The following SCAMP1 variants were observed in gnomAD, a reference collection of about 807,000 sequenced individuals.
SCAMP1 encodes secretory carrier membrane protein 1.
SCAMP1 carries 15 observed loss-of-function variants against 41.8 expected under a neutral mutation model. The observed-to-expected ratio is 0.36, with a 90% CI of 0.24 to 0.55. SCAMP1 has a LOEUF of 0.55. SCAMP1 is among the 20% of genes least tolerant of loss of function. The pLI, the probability that SCAMP1 is intolerant of heterozygous loss-of-function variation, is 0.86. For synonymous variants in SCAMP1, 135 were observed against 136.8 expected (o/e 0.99, Z 0.09); for missense variants, 341 against 412.6 (o/e 0.83, Z 1.50).
At chr5:78,426,738 G>T (rs1752480171) in intron 6 of SCAMP1, among the ~76,000 whole-genome samples, 1 of 151,990 alleles carries the variant, frequency 6.6e-6, no homozygotes, top group Admixed American at 6.6e-5. Context: ...CTTTCCCCTA[G>T]CTCCAGGAAA....
At chr5:78,377,916 T>C (rs1312235005) in intron 1 of SCAMP1, among the ~76,000 whole-genome samples, 2 of 152,224 alleles carry the variant, frequency 1.3e-5, no homozygotes, top group Non-Finnish European at 2.9e-5. Flanking sequence ...TCAAAGTTTA[T>C]AGCTTCTTAG....
chr5:78,460,804 C>T (rs764083954), intron 8 of SCAMP1, among the ~76,000 whole-genome samples: 5,204 of 24,644 alleles, frequency 0.21, 1,020 homozygotes, highest in East Asian at 0.42. Context: ...TTCCTTCCTT[C>T]CTCCCTTCCT....
At chr5:78,386,530 T>C (rs968973243) in intron 1 of SCAMP1, among the ~76,000 whole-genome samples, 1 of 152,108 alleles carries the variant, frequency 6.6e-6, no homozygotes, top group African/African-American at 2.4e-5. Context: ...TTTTCTTTTT[T>C]TTTTCATTGT....
At chr5:78,397,576 A>T (rs536382129) in intron 2 of SCAMP1, among the ~76,000 whole-genome samples, 10 of 152,346 alleles carry the variant, frequency 6.6e-5, no homozygotes, top group African/African-American at 2.4e-4. Flanking sequence ...CACATATTTG[A>T]TAAAAGACTT....
intron 5 of SCAMP1, among the ~76,000 whole-genome samples, chr5:78,421,264 C>T (rs940537816): frequency 2.0e-5 from 3 of 152,088 alleles, no homozygotes; most frequent in Non-Finnish European, 2.9e-5. Context: ...TCTACCAAAA[C>T]GCAAGTTTTT....
At chr5:78,416,064 A>G (rs538062607) in intron 3 of SCAMP1, among the ~76,000 whole-genome samples, 29 of 152,352 alleles carry the variant, frequency 1.9e-4, no homozygotes, top group African/African-American at 6.7e-4. Flanking sequence ...GAATTTCTTA[A>G]TCACATCTTT....
chr5:78,409,960 A>G (rs1416639526), intron 2 of SCAMP1, among the ~76,000 whole-genome samples: 1 of 152,072 alleles, frequency 6.6e-6, no homozygotes, highest in Non-Finnish European at 1.5e-5. Flanking sequence ...GTTGCTGCTT[A>G]TTACACCAAG....
At chr5:78,391,754 C>T (rs183562815) in intron 2 of SCAMP1, among the ~76,000 whole-genome samples, 6 of 152,344 alleles carry the variant, frequency 3.9e-5, no homozygotes, top group Admixed American at 1.3e-4. Flanking sequence ...TCTGCAATCC[C>T]GGCACCTCAG....
At chr5:78,371,760 C>T (rs1345501348) in intron 1 of SCAMP1, among the ~76,000 whole-genome samples, 1 of 152,120 alleles carries the variant, frequency 6.6e-6, no homozygotes, top group African/African-American at 2.4e-5. Context: ...AAAATAAATG[C>T]TTCCTTAAAA....
At chr5:78,433,198 A>G (rs1379754965) in intron 6 of SCAMP1, among the ~76,000 whole-genome samples, 3 of 152,176 alleles carry the variant, frequency 2.0e-5, no homozygotes, top group Non-Finnish European at 4.4e-5. Context: ...TTTGTCTGAT[A>G]ATGCCAACAC....
At chr5:78,370,542 G>C (rs963483610) in intron 1 of SCAMP1, 1 of 152,194 alleles carries the variant, frequency 6.6e-6, no homozygotes, top group Non-Finnish European at 1.5e-5. Flanking sequence ...ATTTGGCTTT[G>C]GGTGCTTTTC....
In SCAMP1 at chr5:78,479,955, A is replaced by G. The variant is rs1215651662; in HGVS notation, c.*4287A>G. Among the ~76,000 whole-genome samples the G allele has an allele frequency of 6.6e-6, 1 of 152,074 alleles. No homozygotes were observed. Among genetic ancestry groups the G allele is most frequent in the Admixed American group, 6.6e-5 (1 of 15,256 alleles). On this transcript the variant is annotated 3_prime_UTR_variant, in exon 9 of 9. Transcript: ENST00000621999. ...CAGCTACTTGGGAGGCTGAGGCAGGAGAATGACGTGAACCTGGGAGGCGGA... is the reference window on the plus strand; with the variant it reads ...CAGCTACTTGGGAGGCTGAGGCAGGGGAATGACGTGAACCTGGGAGGCGGA...
At chr5:78,422,737 A>G (rs1204464014) in intron 6 of SCAMP1, among the ~76,000 whole-genome samples, 1 of 152,168 alleles carries the variant, frequency 6.6e-6, no homozygotes, top group Non-Finnish European at 1.5e-5. Flanking sequence ...TTGTTGGACT[A>G]TTGCTTTAAG....
intron 2 of SCAMP1, among the ~76,000 whole-genome samples, chr5:78,408,598 GT>G (rs1751992044): frequency 6.6e-6 from 1 of 151,976 alleles, no homozygotes; most frequent in African/African-American, 2.4e-5. Context: ...TTTGGTTTTT[GT>G]TTTGTTTTGT....
intron 2 of SCAMP1, among the ~76,000 whole-genome samples, chr5:78,391,630 C>T (rs1241197678): frequency 3.3e-5 from 5 of 152,052 alleles, no homozygotes; most frequent in Non-Finnish European, 1.5e-5. Flanking sequence ...GCTGCACTCC[C>T]GGCACTTTGG....
intron 2 of SCAMP1, among the ~76,000 whole-genome samples, chr5:78,414,624 TC>T (rs1234954043): frequency 1.3e-5 from 2 of 152,200 alleles, no homozygotes; most frequent in African/African-American, 4.8e-5. Flanking sequence ...CATTCTTCTA[TC>T]GCTAATTTAT....
At chr5:78,442,433 A>G (rs1055468236) in intron 6 of SCAMP1, among the ~76,000 whole-genome samples, 1 of 151,972 alleles carries the variant, frequency 6.6e-6, no homozygotes, top group Non-Finnish European at 1.5e-5. Context: ...TAATTTTTGT[A>G]TTTTTAGTAG....
At chr5:78,386,771 G>A (rs1248460137) in intron 1 of SCAMP1, among the ~76,000 whole-genome samples, 1 of 152,164 alleles carries the variant, frequency 6.6e-6, no homozygotes, top group African/African-American at 2.4e-5. Context: ...TCTTTAAGGA[G>A]ATTAAAGGTA....
chr5:78,432,315 TC>T (rs2112169584), intron 6 of SCAMP1, among the ~76,000 whole-genome samples: 1 of 152,260 alleles, frequency 6.6e-6, no homozygotes, highest in South Asian at 2.1e-4. Flanking sequence ...TATGTGGAGA[TC>T]CATGTTTTTG....
Sources: allele counts gnomAD v4.1 joint callset (sites outside exome capture counted in the v4.1 genomes callset), GRCh38; gene constraint gnomAD v4.1.1; transcripts MANE v1.5; gene names NCBI Gene and HGNC (gene_info 2026-07-23, HGNC 2026-07-21).